NDUFV2: variants seen among roughly 807,000 people sequenced by gnomAD.
NDUFV2 encodes the protein NADH:ubiquinone oxidoreductase core subunit V2.
In NDUFV2, 18 loss-of-function variants were observed where a neutral mutation model predicts 31.6. The ratio of observed to expected loss-of-function variants is 0.57; its 90% CI spans 0.39 to 0.84. NDUFV2 has a LOEUF of 0.84. NDUFV2 is among the 40% of genes least tolerant of loss of function. NDUFV2 has a pLI of 0.00. For missense variants in NDUFV2, 314 were observed against 303.6 expected (o/e 1.03, Z -0.26); for synonymous variants, 83 against 99.8 (o/e 0.83, Z 1.01).
Position 9,117,901 on chromosome 18 carries a change from G to A in NDUFV2, c.118G>A (p.Val40Met), listed in dbSNP as rs75362221. The change falls in exon 2 of 8, where the codon GTG becomes ATG. Residue 40 changes from valine to methionine, a missense_variant and splice_region_variant. By Grantham distance (21) the Val-to-Met change is conservative (BLOSUM62 1). Coordinates refer to ENST00000318388, the MANE Select transcript of NDUFV2 (RefSeq NM_021074.5). Reference sequence around the variant, plus strand: ...AAATGGAGCTGGAGGAGCTTTATTTGTGGTAAGTAATTACTTAGATTTCTT... The same window carrying A: ...AAATGGAGCTGGAGGAGCTTTATTTATGGTAAGTAATTACTTAGATTTCTT... ...MQNGAGGALF[V>M]HRDTPENNPD... 1,081 of 1,586,736 alleles carry A rather than the reference G, an allele frequency of 6.8e-4. 8 individuals carry two copies. In the African/African-American group the frequency reaches 0.013, roughly 19 times the overall value.
chr18:9,116,643 TGTTA>T (rs1260588710), intron 1 of NDUFV2, among the ~76,000 whole-genome samples: 2 of 152,254 alleles, frequency 1.3e-5, no homozygotes, highest in Non-Finnish European at 2.9e-5. Flanking sequence ...AGTCTTTTCT[TGTTA>T]ATTAAAGCAG....
intron 7 of NDUFV2, among the ~76,000 whole-genome samples, chr18:9,130,568 AAAC>A (rs1169170291): frequency 6.6e-6 from 1 of 152,234 alleles, no homozygotes; most frequent in Non-Finnish European, 1.5e-5. Flanking sequence ...CAGCATATGA[AAAC>A]AAGAACTTTT....
At position 9,106,682 on chromosome 18, in the gene NDUFV2, G is replaced by T. The variant is rs553915869; in HGVS notation, c.54+3885G>T. Among the ~76,000 whole-genome samples, 8 of 152,134 alleles carry T rather than the reference G, an allele frequency of 5.3e-5. No individual in the cohort carries two copies. The South Asian group carries it at 1.7e-3, about 32-fold the overall frequency. ...CTGTAACAAATTTCCACAAAACTTT[G>T]TGGCATAAAACATTATATTTTTAAC... On this transcript the variant is annotated intron_variant, in intron 1 of 7. Transcript: ENST00000318388.
At chr18:9,132,702 T>C (rs1443250914) in intron 7 of NDUFV2, among the ~76,000 whole-genome samples, 1 of 152,052 alleles carries the variant, frequency 6.6e-6, no homozygotes, top group African/African-American at 2.4e-5. Context: ...TGGTGAGGTC[T>C]TGTCTCTACG....
intron 1 of NDUFV2, among the ~76,000 whole-genome samples, chr18:9,104,708 C>T (rs1469555095): frequency 6.6e-6 from 1 of 151,320 alleles, no homozygotes; most frequent in Non-Finnish European, 1.5e-5. Flanking sequence ...CTCCCCTTCT[C>T]CCTCCCCCTT....
At chr18:9,104,287 G>A (rs1173004978) in intron 1 of NDUFV2, 4 of 1,611,704 alleles carry the variant, frequency 2.5e-6, no homozygotes, top group Non-Finnish European at 3.4e-6. Context: ...AGCTCCTGGC[G>A]TGCCATACTA....
intron 1 of NDUFV2, 35 bp downstream of exon 1, chr18:9,102,832 C>T (rs772881857): frequency 3.1e-5 from 47 of 1,536,356 alleles, no homozygotes; most frequent in African/African-American, 4.2e-5. Context: ...GCGCTGCCGC[C>T]GCCCTTCTCT....
intron 1 of NDUFV2, among the ~76,000 whole-genome samples, chr18:9,108,883 G>T (rs967493163): frequency 2.0e-5 from 3 of 151,996 alleles, no homozygotes; most frequent in African/African-American, 7.2e-5. Context: ...TAGAGATGGG[G>T]TTTCACCATG....
chr18:9,125,608 T>C (rs912575659), intron 6 of NDUFV2, among the ~76,000 whole-genome samples: 5 of 152,136 alleles, frequency 3.3e-5, no homozygotes, highest in Middle Eastern at 3.4e-3. Flanking sequence ...TTAATATCCA[T>C]ATATATGGCG....
chr18:9,132,938 G>T (rs766403695), intron 7 of NDUFV2, among the ~76,000 whole-genome samples: 1 of 152,100 alleles, frequency 6.6e-6, no homozygotes, highest in African/African-American at 2.4e-5. Context: ...TTAAAGTTAA[G>T]TATCATTTTG....
Position 9,103,473 on chromosome 18 carries a change from C to A in NDUFV2, c.54+676C>A, listed in dbSNP as rs186105794. On this transcript the variant is annotated intron_variant, in intron 1 of 7. Transcript: ENST00000318388. Reference sequence around the variant, plus strand: ...TGAATTGCAGAGAAGTTGAAACACTCCTTCACGTTAATCTAAAAATGCAGA... The same window carrying A: ...TGAATTGCAGAGAAGTTGAAACACTACTTCACGTTAATCTAAAAATGCAGA... 3 of 230,188 alleles carry A rather than the reference C, an allele frequency of 1.3e-5. No homozygotes were observed. In the East Asian group the frequency reaches 2.7e-4, roughly 21 times the overall value. The allele number at this position is 230,188 out of a possible 1,614,324, so 14.3% of individuals were successfully genotyped here.
intron 1 of NDUFV2, chr18:9,104,929 G>A (rs1383139608): frequency 6.6e-7 from 1 of 1,520,278 alleles, no homozygotes; most frequent in Non-Finnish European, 8.9e-7. Context: ...ACATTTTGAT[G>A]TCTACACATA....
intron 1 of NDUFV2, chr18:9,117,283 C>G (rs1224118153): frequency 6.5e-6 from 1 of 154,228 alleles, no homozygotes; most frequent in Non-Finnish European, 1.4e-5. Context: ...GATCTCCTTG[C>G]CTTAGCCTCC....
In NDUFV2 at chr18:9,117,619, A is replaced by C. The variant is rs190086774; in HGVS notation, c.55-219A>C. 34 of 495,880 alleles carry C rather than the reference A, an allele frequency of 6.9e-5. No homozygotes were observed. The Admixed American group carries it at 8.8e-4, about 13-fold the overall frequency. 30.7% of individuals were successfully genotyped at this position (495,880 alleles called of 1,614,324 possible). ...CTGGGTTGTCCTGGTTCTCCTATTG[A>C]CTCGTGTGTGTGATGTTAGGTGGGT... On this transcript the variant is annotated intron_variant, in intron 1 of 7. Coordinates refer to ENST00000318388, the MANE Select transcript of NDUFV2 (RefSeq NM_021074.5).
intron 4 of NDUFV2, among the ~76,000 whole-genome samples, chr18:9,122,260 G>A (rs2077943177): frequency 6.6e-6 from 1 of 152,130 alleles, no homozygotes; most frequent in Non-Finnish European, 1.5e-5. Flanking sequence ...GTGAGAAGTA[G>A]GGTAGAAGGA....
chr18:9,113,477 G>A (rs556373681), intron 1 of NDUFV2, among the ~76,000 whole-genome samples: 1 of 152,280 alleles, frequency 6.6e-6, no homozygotes, highest in South Asian at 2.1e-4. Flanking sequence ...GCAGCATCCT[G>A]GGTCAGTAGG....
At chr18:9,128,085 A>G (rs1298405971) in intron 7 of NDUFV2, among the ~76,000 whole-genome samples, 1 of 152,060 alleles carries the variant, frequency 6.6e-6, no homozygotes, top group Non-Finnish European at 1.5e-5. Flanking sequence ...ATACTAGCAA[A>G]TGTTCTCATG....
chr18:9,112,212 T>A (rs2077875004), intron 1 of NDUFV2, among the ~76,000 whole-genome samples: 3 of 151,340 alleles, frequency 2.0e-5, no homozygotes, highest in Admixed American at 1.3e-4. Context: ...AGAGATGGGG[T>A]TTCACCATAT....
chr18:9,121,311 G>A (rs1179214749), intron 4 of NDUFV2: 2 of 152,128 alleles, frequency 1.3e-5, no homozygotes, highest in Non-Finnish European at 2.9e-5. Flanking sequence ...AAGGTGTAGG[G>A]AGATGTGCAG....
Sources: gnomAD v4.1 joint callset for allele counts (sites outside exome capture counted in the v4.1 genomes callset) on GRCh38, gnomAD v4.1.1 for gene constraint, MANE v1.5 for transcripts, NCBI Gene and HGNC (gene_info 2026-07-23, HGNC 2026-07-21) for gene names.